CNTNAP2: variants seen among roughly 807,000 people sequenced by gnomAD.
CNTNAP2 encodes contactin-associated protein-like 2.
Under a neutral mutation model 155.2 loss-of-function variants are expected in CNTNAP2, and 98 were observed. That is an observed-to-expected ratio of 0.63 (90% CI 0.54 to 0.75). The LOEUF (loss-of-function observed/expected upper bound fraction) is 0.75. Among genes scored for constraint, CNTNAP2 ranks in the 30% least tolerant of loss-of-function variants. CNTNAP2 has a pLI of 0.00. For missense variants in CNTNAP2, 1,727 were observed against 1,688.1 expected, an observed-to-expected ratio of 1.02 and a Z score of -0.40; for synonymous variants, 651 against 631.2, an observed-to-expected ratio of 1.03 and a Z score of -0.47.
chr7:146,122,322 T>C (rs1485681657), intron 1 of CNTNAP2, among the ~76,000 whole-genome samples: 3 of 152,216 alleles, frequency 2.0e-5, no homozygotes, highest in Non-Finnish European at 4.4e-5. Flanking sequence ...GGCTTGAGAC[T>C]CTGTTTAATT....
chr7:146,185,752 T>A (rs1208922924), intron 1 of CNTNAP2, among the ~76,000 whole-genome samples: 1 of 148,562 alleles, frequency 6.7e-6, no homozygotes, highest in Admixed American at 6.7e-5. Context: ...GAGTGAACTT[T>A]TTATTATTCT....
At chr7:147,909,345 T>C (rs1800020461) in intron 14 of CNTNAP2, among the ~76,000 whole-genome samples, 1 of 152,170 alleles carries the variant, frequency 6.6e-6, no homozygotes, top group South Asian at 2.1e-4. Context: ...CAGACCACAT[T>C]ATATGTTCTT....
rs550842142 is a variant in CNTNAP2, at chr7:147,498,555, C to A, written c.1777+12514C>A. On this transcript the variant is annotated intron_variant, in intron 11 of 23. Transcript: ENST00000361727. ...TAATACTACAGAATGATGCATAGGG[C>A]AAAAATAGTATAGAGGAGAAATTTA... Among the ~76,000 whole-genome samples the A allele has an allele frequency of 8.0e-4, 121 of 152,132 alleles. 1 individual carries two copies. The South Asian group carries it at 0.022, about 28-fold the overall frequency.
chr7:146,837,297 C>A (rs1295122577), intron 2 of CNTNAP2, among the ~76,000 whole-genome samples: 5 of 151,844 alleles, frequency 3.3e-5, no homozygotes, highest in African/African-American at 9.7e-5. Context: ...CTTATATGGC[C>A]CTACATTCTA....
intron 1 of CNTNAP2, among the ~76,000 whole-genome samples, chr7:146,510,003 G>A (rs1013540624): frequency 1.3e-5 from 2 of 152,030 alleles, no homozygotes; most frequent in Admixed American, 6.6e-5. Context: ...ATCATCAGGG[G>A]CCAAGGGCTC....
intron 1 of CNTNAP2, among the ~76,000 whole-genome samples, chr7:146,399,644 T>C (rs1795685832): frequency 6.6e-6 from 1 of 152,206 alleles, no homozygotes. Flanking sequence ...GGTGCAGATA[T>C]AGCTTCAACA....
At chr7:148,150,286 C>T (rs747528300) in intron 17 of CNTNAP2, among the ~76,000 whole-genome samples, 6 of 152,030 alleles carry the variant, frequency 3.9e-5, no homozygotes, top group South Asian at 2.1e-4. Context: ...CAGTGGCTCA[C>T]GCCCGTAATC....
chr7:147,383,839 G>A (rs1258129288), intron 9 of CNTNAP2, among the ~76,000 whole-genome samples: 1 of 151,886 alleles, frequency 6.6e-6, no homozygotes, highest in South Asian at 2.1e-4. Flanking sequence ...ACTAGAAAAA[G>A]AAAATACCAT....
At chr7:146,587,465 C>G (rs1798710805) in intron 1 of CNTNAP2, among the ~76,000 whole-genome samples, 1 of 152,062 alleles carries the variant, frequency 6.6e-6, no homozygotes, top group South Asian at 2.1e-4. Context: ...CAGCTTGGCT[C>G]TCAGCTGTGT....
At chr7:146,305,079 C>T (rs1441783334) in intron 1 of CNTNAP2, among the ~76,000 whole-genome samples, 1 of 152,104 alleles carries the variant, frequency 6.6e-6, no homozygotes, top group Non-Finnish European at 1.5e-5. Context: ...TGAAGCTTGT[C>T]CATGCATCAC....
At chr7:148,353,149 G>A (rs6464875) in intron 21 of CNTNAP2, among the ~76,000 whole-genome samples, 93,212 of 152,032 alleles carry the variant, frequency 0.61, 29,189 homozygotes, top group East Asian at 0.94. Flanking sequence ...GCGGGGCCCC[G>A]GCAATTGTTT....
chr7:148,308,290 A>G (rs1797525284), intron 21 of CNTNAP2, among the ~76,000 whole-genome samples: 1 of 152,016 alleles, frequency 6.6e-6, no homozygotes, highest in South Asian at 2.1e-4. Flanking sequence ...TATAATTACA[A>G]TTATAACATT....
chr7:148,076,512 T>G (rs1803489573), intron 15 of CNTNAP2, among the ~76,000 whole-genome samples: 1 of 136,792 alleles, frequency 7.3e-6, no homozygotes, highest in Admixed American at 8.2e-5. Context: ...CTCGGCTCAC[T>G]GCAGGCTCGA....
At chr7:146,678,667 A>C (rs1800446852) in intron 1 of CNTNAP2, among the ~76,000 whole-genome samples, 2 of 152,156 alleles carry the variant, frequency 1.3e-5, no homozygotes, top group Admixed American at 1.3e-4. Flanking sequence ...TTTCAAGAGA[A>C]AGCTAACTTT....
chr7:147,296,005 TAAAAG>T (rs1296623078), intron 8 of CNTNAP2, among the ~76,000 whole-genome samples: 1 of 152,176 alleles, frequency 6.6e-6, no homozygotes, highest in East Asian at 1.9e-4. Context: ...CATGAAAAAT[TAAAAG>T]GAAGATGTTC....
At chr7:146,436,405 G>C (rs1379209382) in intron 1 of CNTNAP2, among the ~76,000 whole-genome samples, 1 of 152,108 alleles carries the variant, frequency 6.6e-6, no homozygotes, top group Non-Finnish European at 1.5e-5. Context: ...TTTTTCACAT[G>C]TATATTAGAA....
intron 3 of CNTNAP2, among the ~76,000 whole-genome samples, chr7:146,930,187 A>C: frequency 6.6e-6 from 1 of 152,236 alleles, no homozygotes; most frequent in East Asian, 1.9e-4. Context: ...GCAGCCAGAG[A>C]GAAAGGTCGG....
intron 1 of CNTNAP2, among the ~76,000 whole-genome samples, chr7:146,225,747 T>A (rs1049074689): frequency 1.3e-5 from 2 of 152,226 alleles, no homozygotes; most frequent in South Asian, 4.1e-4. Context: ...CAGTAGCTTG[T>A]CTTCTGCCTA....
rs12112892 is a variant in CNTNAP2, at chr7:146,595,276, A to G, written c.98-178995A>G. ...CATCACTAGTGTTCCTTGAAACTGA[A>G]TTTTACAAGGTTCTAACATTGTCAC... On this transcript the variant is annotated intron_variant, in intron 1 of 23. Transcript: ENST00000361727. Among the ~76,000 whole-genome samples, 386 of 152,192 alleles carry G rather than the reference A, an allele frequency of 2.5e-3. 2 individuals carry two copies. Among genetic ancestry groups the G allele is most frequent in the African/African-American group, 8.7e-3 (362 of 41,550 alleles).
Sources: allele counts gnomAD v4.1 joint callset (sites outside exome capture counted in the v4.1 genomes callset), GRCh38; gene constraint gnomAD v4.1.1; transcripts MANE v1.5; gene names NCBI Gene and HGNC (gene_info 2026-07-23, HGNC 2026-07-21).